The following PRKN variants were observed in gnomAD, a reference collection of about 807,000 sequenced individuals.
PRKN encodes the protein parkin RBR E3 ubiquitin protein ligase, also known as E3 ubiquitin-protein ligase parkin.
In PRKN, 56 loss-of-function variants were observed where a neutral mutation model predicts 59.5. The observed-to-expected ratio is 0.94, with a 90% CI of 0.76 to 1.18. The LOEUF (loss-of-function observed/expected upper bound fraction) is 1.18. PRKN is among the 50% of genes most tolerant of loss of function. The pLI is 0.00. For synonymous variants in PRKN, 250 were observed against 222.1 expected, an observed-to-expected ratio of 1.13 and a Z score of -1.12; for missense variants, 657 against 596.4, an observed-to-expected ratio of 1.10 and a Z score of -1.06.
intron 1 of PRKN, among the ~76,000 whole-genome samples, chr6:162,623,321 GAC>G (rs1448654298): frequency 6.6e-6 from 1 of 152,006 alleles, no homozygotes; most frequent in East Asian, 1.9e-4. Flanking sequence ...GAGAATTGAT[GAC>G]ACTTTTTAAA....
intron 2 of PRKN, among the ~76,000 whole-genome samples, chr6:162,300,963 AAAG>A (rs1180657145): frequency 2.0e-5 from 3 of 151,504 alleles, no homozygotes; most frequent in Non-Finnish European, 2.9e-5. Context: ...GACATGCACT[AAAG>A]AAGAATAGAT....
intron 6 of PRKN, among the ~76,000 whole-genome samples, chr6:161,926,804 T>C (rs1778985058): frequency 6.6e-6 from 1 of 152,182 alleles, no homozygotes; most frequent in African/African-American, 2.4e-5. Context: ...ACGAGAGATA[T>C]AACTGTCTTT....
chr6:162,450,025 A>C (rs1172115282), intron 1 of PRKN, among the ~76,000 whole-genome samples: 1 of 152,332 alleles, frequency 6.6e-6, no homozygotes, highest in South Asian at 2.1e-4. Flanking sequence ...GCAAAGCCAC[A>C]GTTTTTCTGG....
intron 1 of PRKN, among the ~76,000 whole-genome samples, chr6:162,620,911 A>C (rs1782637019): frequency 6.6e-6 from 1 of 152,096 alleles, no homozygotes; most frequent in Admixed American, 6.5e-5. Context: ...TTGGGAATAG[A>C]ATTCTATATT....
In PRKN at chr6:162,179,968, C is replaced by CTGTGTGTGTGTGTGTGTGTGTGTGTGTG. The variant is rs61592555; in HGVS notation, c.534+21135_534+21162dup. ...GACAGTGCTTTTTGTTATCTTATTA[C>CTGTGTGTGTGTGTGTGTGTGTGTGTGTG]TGTGTGTGTGTGTGTGTGTGTGTGT... On this transcript the variant is annotated intron_variant, in intron 4 of 11. Transcript: ENST00000366898. 3.6e-4 allele frequency among the ~76,000 whole-genome samples: 50 copies of CTGTGTGTGTGTGTGTGTGTGTGTGTGTG among 139,800 alleles called. 1 individual carries two copies. The highest frequency in any genetic ancestry group is 5.1e-4 in the Non-Finnish European group (33 of 64,508). The allele number at this position is 139,800 out of a possible 152,430, so 91.7% of individuals were successfully genotyped here. A position where few individuals can be genotyped will look rare whatever the true frequency, so the allele number is the denominator to read the frequency against.
chr6:162,560,839 CAGAG>C (rs1180582843), intron 1 of PRKN, among the ~76,000 whole-genome samples: 5 of 37,196 alleles, frequency 1.3e-4, no homozygotes, highest in African/African-American at 2.1e-4. Context: ...AATTAAAGCC[CAGAG>C]AGAGAGAGGC....
intron 2 of PRKN, among the ~76,000 whole-genome samples, chr6:162,385,299 C>A (rs1786743551): frequency 6.6e-6 from 1 of 152,156 alleles, no homozygotes; most frequent in African/African-American, 2.4e-5. Flanking sequence ...GTACGCCCAA[C>A]ATGGTATAAA....
intron 6 of PRKN, among the ~76,000 whole-genome samples, chr6:161,904,411 G>A (rs577879815): frequency 1.1e-4 from 16 of 150,068 alleles, no homozygotes; most frequent in Non-Finnish European, 2.1e-4. Context: ...CACCTCCTGG[G>A]TTCATGCCAT....
rs990915889 is a variant in PRKN, at chr6:161,549,099, A to G, written c.934-96T>C. 1 of 1,393,368 alleles carries G rather than the reference A, an allele frequency of 7.2e-7. No individual in the cohort carries two copies. Among genetic ancestry groups the G allele is most frequent in the African/African-American group, 1.4e-5 (1 of 69,574 alleles). 86.3% of individuals were successfully genotyped at this position (1,393,368 alleles called of 1,614,324 possible). A position where few individuals can be genotyped will look rare whatever the true frequency, so the allele number is the denominator to read the frequency against. ...AGTGCATGGGATTTCTTGCTTAACC[A>G]GTTTCAGTAAAATAATGCATGTGTG... On this transcript the variant is annotated intron_variant, in intron 8 of 11. Transcript: ENST00000366898. This position sits in a 1 kb window ranked among gnomAD's most constrained non-coding sequence, Gnocchi z 6.0.
chr6:162,399,886 G>A (rs1017124034), intron 2 of PRKN, among the ~76,000 whole-genome samples: 1 of 152,040 alleles, frequency 6.6e-6, no homozygotes, highest in South Asian at 2.1e-4. Context: ...TGAGCTAAAC[G>A]GCCTGTATGA....
chr6:162,441,088 G>A (rs1052243824), intron 2 of PRKN, among the ~76,000 whole-genome samples: 1 of 151,820 alleles, frequency 6.6e-6, no homozygotes, highest in Non-Finnish European at 1.5e-5. Flanking sequence ...CTTTTTCAGT[G>A]TCCTCAGACA....
intron 1 of PRKN, among the ~76,000 whole-genome samples, chr6:162,522,585 A>G (rs575587227): frequency 1.6e-3 from 240 of 152,334 alleles, no homozygotes; most frequent in African/African-American, 5.4e-3. Flanking sequence ...ACCCATTCCA[A>G]TGAATTTGCT....
intron 1 of PRKN, among the ~76,000 whole-genome samples, chr6:162,598,776 C>T (rs569968203): frequency 1.4e-5 from 2 of 144,792 alleles, no homozygotes; most frequent in South Asian, 4.5e-4. Context: ...TTGCTTGACC[C>T]GTGGAGACGG....
At chr6:161,862,228 T>C (rs1793931838) in intron 6 of PRKN, among the ~76,000 whole-genome samples, 1 of 152,192 alleles carries the variant, frequency 6.6e-6, no homozygotes, top group Non-Finnish European at 1.5e-5. Context: ...GAAGCCACTA[T>C]TCAACCCACT....
At chr6:162,019,183 A>G (rs1345235280) in intron 5 of PRKN, among the ~76,000 whole-genome samples, 2 of 152,354 alleles carry the variant, frequency 1.3e-5, no homozygotes, top group East Asian at 3.9e-4. Flanking sequence ...TGAGGTACAC[A>G]GAGACCAACA....
At chr6:161,896,473 T>C (rs1777630839) in intron 6 of PRKN, among the ~76,000 whole-genome samples, 1 of 152,126 alleles carries the variant, frequency 6.6e-6, no homozygotes, top group Non-Finnish European at 1.5e-5. Context: ...ATGCCTGACA[T>C]GTGAGCCCCT....
intron 6 of PRKN, among the ~76,000 whole-genome samples, chr6:161,953,616 C>G (rs564268977): frequency 6.6e-6 from 1 of 152,208 alleles, no homozygotes; most frequent in Admixed American, 6.5e-5. Flanking sequence ...CTGCCGGATG[C>G]CAGCCCTGCA....
chr6:162,161,800 T>C (rs562140045), intron 4 of PRKN, among the ~76,000 whole-genome samples: 76 of 152,176 alleles, frequency 5.0e-4, no homozygotes, highest in Non-Finnish European at 9.3e-4. Flanking sequence ...AGTGCAGGTA[T>C]GGTAAAATAA....
At chr6:161,905,943 A>C (rs1778128314) in intron 6 of PRKN, among the ~76,000 whole-genome samples, 1 of 149,306 alleles carries the variant, frequency 6.7e-6, no homozygotes, top group African/African-American at 2.6e-5. Flanking sequence ...AAAAAAAAAA[A>C]AAAAAGGACA....
Sources: allele counts gnomAD v4.1 joint callset (sites outside exome capture counted in the v4.1 genomes callset), GRCh38; gene constraint gnomAD v4.1.1; non-coding constraint Gnocchi (gnomAD v3.1); transcripts MANE v1.5; gene names NCBI Gene and HGNC (gene_info 2026-07-23, HGNC 2026-07-21).